The following RNF185 variants were observed in gnomAD, a reference collection of about 807,000 sequenced individuals.
RNF185 encodes the protein ring finger protein 185, also known as E3 ubiquitin-protein ligase RNF185.
A neutral mutation model predicts 24.9 loss-of-function variants in RNF185; 13 were observed. The ratio of observed to expected loss-of-function variants is 0.52; its 90% CI spans 0.34 to 0.83. The LOEUF (loss-of-function observed/expected upper bound fraction) is 0.83, where lower values mean the gene tolerates loss of function less well. Among genes scored for constraint, RNF185 ranks in the 40% least tolerant of loss-of-function variants. RNF185 has a pLI of 0.01. For missense variants in RNF185, 184 were observed against 244.7 expected (o/e 0.75, Z 1.65); for synonymous variants, 79 against 90.3 (o/e 0.88, Z 0.71).
chr22:31,177,331 G>C (rs1034453138), intron 1 of RNF185, among the ~76,000 whole-genome samples: 4 of 151,856 alleles, frequency 2.6e-5, no homozygotes, highest in Middle Eastern at 3.2e-3. Flanking sequence ...TAAGTAGATA[G>C]GAAGATTAGA....
At chr22:31,192,126 T>C (rs1169636669) in intron 2 of RNF185, among the ~76,000 whole-genome samples, 1 of 152,182 alleles carries the variant, frequency 6.6e-6, no homozygotes, top group African/African-American at 2.4e-5. Context: ...ACTTTTAAGC[T>C]GCTTCCTGCT....
chr22:31,168,318 C>T (rs1397366390), intron 1 of RNF185, among the ~76,000 whole-genome samples: 1 of 152,172 alleles, frequency 6.6e-6, no homozygotes, highest in East Asian at 1.9e-4. Flanking sequence ...CTGCACCCAG[C>T]TTAGTATTTG....
intron 3 of RNF185, among the ~76,000 whole-genome samples, chr22:31,193,394 C>T (rs1279296966): frequency 6.6e-6 from 1 of 152,154 alleles, no homozygotes; most frequent in East Asian, 1.9e-4. Context: ...ACACATAACA[C>T]ATTAAGTTTT....
At chr22:31,181,200 C>G (rs1240107855) in intron 1 of RNF185, among the ~76,000 whole-genome samples, 1 of 151,696 alleles carries the variant, frequency 6.6e-6, no homozygotes, top group Non-Finnish European at 1.5e-5. Context: ...TAAAAATTAG[C>G]TGAGCATGGT....
chr22:31,191,410 C>T (rs993112156), intron 2 of RNF185, among the ~76,000 whole-genome samples: 6 of 152,190 alleles, frequency 3.9e-5, no homozygotes, highest in Admixed American at 3.9e-4. Flanking sequence ...CCTTTGAGTT[C>T]AAAGTGTACT....
At chr22:31,195,605 C>A in intron 4 of RNF185, 24 bp downstream of exon 4, 2 of 1,438,328 alleles carry the variant, frequency 1.4e-6, no homozygotes, top group Non-Finnish European at 1.9e-6. Context: ...ATGCCTCTCC[C>A]AACCACTTCT....
At chr22:31,175,159 A>G (rs2047969803) in intron 1 of RNF185, among the ~76,000 whole-genome samples, 1 of 151,632 alleles carries the variant, frequency 6.6e-6, no homozygotes, top group Non-Finnish European at 1.5e-5. Flanking sequence ...GATATGTGTT[A>G]TCTCTGGGCT....
At chr22:31,177,910 A>G (rs997584365) in intron 1 of RNF185, among the ~76,000 whole-genome samples, 5 of 152,150 alleles carry the variant, frequency 3.3e-5, no homozygotes, top group African/African-American at 1.2e-4. Context: ...TCCTCATGAG[A>G]TCAAGTTCCC....
intron 3 of RNF185, 25 bp from the exon 4 acceptor site, chr22:31,195,444 A>T (rs189491332): frequency 3.9e-6 from 6 of 1,534,168 alleles, no homozygotes; most frequent in Non-Finnish European, 5.3e-6. Context: ...GGCCATCCAC[A>T]TGCATTTTTC....
intron 1 of RNF185, among the ~76,000 whole-genome samples, chr22:31,168,368 T>C (rs536094276): frequency 2.0e-5 from 3 of 152,224 alleles, no homozygotes; most frequent in South Asian, 2.1e-4. Flanking sequence ...CATGATGTTC[T>C]TGAGGTTCAT....
At chr22:31,197,616 T>C (rs4299418) in intron 5 of RNF185, among the ~76,000 whole-genome samples, 120,561 of 152,254 alleles carry the variant, frequency 0.79, 48,684 homozygotes, top group African/African-American at 0.95. Flanking sequence ...AGTGCAGTGG[T>C]GTGATCACAG....
intron 1 of RNF185, among the ~76,000 whole-genome samples, chr22:31,165,084 A>ATT (rs560033280): frequency 2.4e-4 from 33 of 138,612 alleles, no homozygotes; most frequent in African/African-American, 8.5e-4. Flanking sequence ...CTAATTTTGT[A>ATT]TTTTTTTTTT....
intron 3 of RNF185, among the ~76,000 whole-genome samples, chr22:31,194,750 C>T (rs1236532635): frequency 6.6e-6 from 1 of 151,906 alleles, no homozygotes; most frequent in Non-Finnish European, 1.5e-5. Context: ...TGAGAAATCA[C>T]AGAAAGAAGA....
At chr22:31,181,746 T>C (rs1196377371) in intron 1 of RNF185, among the ~76,000 whole-genome samples, 1 of 151,488 alleles carries the variant, frequency 6.6e-6, no homozygotes, top group African/African-American at 2.4e-5. Flanking sequence ...CAGCAAACTA[T>C]CGCAAGGACA....
In RNF185 at chr22:31,166,976, A is replaced by G. The variant is rs1923963228; in HGVS notation, c.-49+6673A>G. ...ATAAGCGTTACTTCTGATGGCCTAC[A>G]TAGATTTCCATTTCCTTAACTGTTC... On this transcript the variant is annotated intron_variant, in intron 1 of 6. Coordinates refer to ENST00000326132, the MANE Select transcript of RNF185 (RefSeq NM_152267.4). Among the ~76,000 whole-genome samples, 11 of 152,196 alleles carry G rather than the reference A, an allele frequency of 7.2e-5. No individual in the cohort carries two copies. The South Asian group carries it at 2.3e-3, about 31-fold the overall frequency.
At chr22:31,164,597 T>C (rs1602780805) in intron 1 of RNF185, among the ~76,000 whole-genome samples, 1 of 136,558 alleles carries the variant, frequency 7.3e-6, no homozygotes, top group Admixed American at 8.2e-5. Flanking sequence ...TTTTTTTTTT[T>C]TTTTTTTTTG....
intron 6 of RNF185, among the ~76,000 whole-genome samples, chr22:31,204,223 A>G (rs2048292274): frequency 6.6e-6 from 1 of 151,416 alleles, no homozygotes; most frequent in South Asian, 2.1e-4. Context: ...CACACCTGTA[A>G]TCCCAGCTAC....
At chr22:31,167,402 C>T (rs1237898033) in intron 1 of RNF185, among the ~76,000 whole-genome samples, 2 of 151,970 alleles carry the variant, frequency 1.3e-5, no homozygotes, top group Non-Finnish European at 2.9e-5. Context: ...TAACCATCAC[C>T]ACTATTTCTA....
At chr22:31,170,146 G>T (rs1419966623) in intron 1 of RNF185, among the ~76,000 whole-genome samples, 1 of 152,098 alleles carries the variant, frequency 6.6e-6, no homozygotes, top group Non-Finnish European at 1.5e-5. Context: ...TTGCTCCTCA[G>T]AAGTGCCTTG....
Sources: gnomAD v4.1 joint callset for allele counts (sites outside exome capture counted in the v4.1 genomes callset) on GRCh38, gnomAD v4.1.1 for gene constraint, MANE v1.5 for transcripts, NCBI Gene and HGNC (gene_info 2026-07-23, HGNC 2026-07-21) for gene names.